Variants in FBXW11 observed in about 807,000 individuals in gnomAD.
The protein encoded by FBXW11 is F-box/WD repeat-containing protein 11.
A neutral mutation model predicts 77.6 loss-of-function variants in FBXW11; 19 were observed. That is an observed-to-expected ratio of 0.24 (90% confidence interval 0.17 to 0.36). FBXW11 has a LOEUF of 0.36. Ranked by LOEUF, FBXW11 falls within the 10% of genes least tolerant of loss-of-function variation. The probability of loss-of-function intolerance (pLI) is 1.00; values close to 1 mark genes in which losing one functional copy is unlikely to be tolerated. For missense variants in FBXW11, 334 were observed against 704.2 expected, an observed-to-expected ratio of 0.47 and a Z score of 5.95; for synonymous variants, 235 against 249.4, an observed-to-expected ratio of 0.94 and a Z score of 0.54.
rs183032273 is a variant in FBXW11 at position 171,986,150 on chromosome 5, A to G, written c.45+20308T>C. Among the ~76,000 whole-genome samples, 553 of 152,238 alleles carry G rather than the reference A, an allele frequency of 3.6e-3. 4 individuals carry two copies. The highest frequency in any genetic ancestry group is 0.013 in the African/African-American group (529 of 41,546). On this transcript the variant is annotated intron_variant, in intron 1 of 13. Transcript: ENST00000517395. ...TGGCCAGGAGCGGTGGCTCACATCT[A>G]TAATACCAGCACTTTGGGAGGCCAA...
rs779194148 is a variant in FBXW11, at chr5:171,863,921, C to T, written c.*206G>A. 6.6e-6 allele frequency: 1 copy of T among 152,154 alleles called. No homozygotes were observed. Among genetic ancestry groups the T allele is most frequent in the African/African-American group, 2.4e-5 (1 of 41,416 alleles). 9.4% of individuals were successfully genotyped at this position (152,154 alleles called of 1,614,324 possible). A position where few individuals can be genotyped will look rare whatever the true frequency, so the allele number is the denominator to read the frequency against. On this transcript the variant is annotated 3_prime_UTR_variant, in exon 14 of 14. Coordinates refer to ENST00000517395, the MANE Select transcript of FBXW11 (RefSeq NM_001378974.1). Reference sequence around the variant, plus strand: ...TCTGTTCTACTTGAAGCCGGGGAAGCTAAGGTCTCCTTCTCAAAGGAGAGC... The same window carrying T: ...TCTGTTCTACTTGAAGCCGGGGAAGTTAAGGTCTCCTTCTCAAAGGAGAGC...
In FBXW11 at chr5:171,930,934, T is replaced by TA. The variant is rs549006297; in HGVS notation, c.148-16530dup. ...AATTAAAAACATATTACCATTTACA[T>TA]AAACACCTATAGATATAATTAGGTA... On this transcript the variant is annotated intron_variant, in intron 2 of 13. Transcript: ENST00000517395. 2.5e-3 allele frequency among the ~76,000 whole-genome samples: 373 copies of TA among 152,106 alleles called. 1 individual carries two copies. Among genetic ancestry groups the TA allele is most frequent in the African/African-American group, 8.8e-3 (367 of 41,530 alleles).
intron 1 of FBXW11, among the ~76,000 whole-genome samples, chr5:171,975,923 A>G (rs1581059318): frequency 6.6e-6 from 1 of 152,202 alleles, no homozygotes; most frequent in East Asian, 1.9e-4. Flanking sequence ...AAAGTTTGGG[A>G]AATGTTGGGA....
At chr5:171,988,007 G>T (rs1041666897) in intron 1 of FBXW11, among the ~76,000 whole-genome samples, 3 of 152,144 alleles carry the variant, frequency 2.0e-5, no homozygotes, top group Non-Finnish European at 4.4e-5. Flanking sequence ...GTAACAATGT[G>T]TATCTCAATT....
intron 3 of FBXW11, among the ~76,000 whole-genome samples, chr5:171,912,770 C>G (rs1278084176): frequency 2.0e-5 from 3 of 151,920 alleles, no homozygotes; most frequent in Non-Finnish European, 2.9e-5. Context: ...ATTAGCCAGG[C>G]ATAGTGGTGG....
At chr5:171,959,867 G>A (rs1432286021) in intron 1 of FBXW11, among the ~76,000 whole-genome samples, 1 of 150,094 alleles carries the variant, frequency 6.7e-6, no homozygotes, top group Non-Finnish European at 1.5e-5. Flanking sequence ...AAAAAGAAAA[G>A]AAAAGAAAAG....
chr5:171,913,231 T>C (rs1760994556), intron 3 of FBXW11, among the ~76,000 whole-genome samples: 1 of 152,234 alleles, frequency 6.6e-6, no homozygotes, highest in Non-Finnish European at 1.5e-5. Context: ...ACAAAGTACT[T>C]TCACAGCCAT....
chr5:171,957,844 C>T (rs1467453333), intron 1 of FBXW11, 146 bp from the exon 2 acceptor site: 3 of 646,848 alleles, frequency 4.6e-6, no homozygotes, highest in Admixed American at 2.7e-5. Context: ...AGACAGCTCA[C>T]TGAAACCTTG....
chr5:171,945,439 C>G (rs528486117), intron 2 of FBXW11, among the ~76,000 whole-genome samples: 1 of 152,286 alleles, frequency 6.6e-6, no homozygotes, highest in East Asian at 1.9e-4. Flanking sequence ...GTAGATACCC[C>G]TGTTTAGGTC....
intron 1 of FBXW11, among the ~76,000 whole-genome samples, chr5:171,961,678 G>A (rs539931464): frequency 8.6e-5 from 13 of 151,760 alleles, no homozygotes; most frequent in Admixed American, 2.0e-4. Flanking sequence ...ATGGAGCCTC[G>A]CTCTGTCACC....
intron 6 of FBXW11, among the ~76,000 whole-genome samples, chr5:171,894,646 T>C (rs1045718382): frequency 6.6e-6 from 1 of 151,506 alleles, no homozygotes; most frequent in Non-Finnish European, 1.5e-5. Flanking sequence ...CCCCATGATG[T>C]CTGACAACCT....
chr5:171,867,070 C>T (rs1448376033), intron 13 of FBXW11, among the ~76,000 whole-genome samples: 2 of 152,182 alleles, frequency 1.3e-5, no homozygotes, highest in Non-Finnish European at 2.9e-5. Flanking sequence ...AGGCAACACA[C>T]CCACCAGTCA....
rs117515796 is a variant in FBXW11, at chr5:171,935,262, C to T, written c.148-20857G>A. 1.5e-3 allele frequency among the ~76,000 whole-genome samples: 227 copies of T among 152,198 alleles called. 6 individuals carry two copies. In the East Asian group the frequency reaches 0.036, roughly 24 times the overall value. On this transcript the variant is annotated intron_variant, in intron 2 of 13. Coordinates refer to ENST00000517395, the MANE Select transcript of FBXW11 (RefSeq NM_001378974.1). ...GTGAGCCACCGCGCCCAGCCGGTAGCGTGTTTCTTTTGGTGGTGATACAAA... is the reference window on the plus strand; with the variant it reads ...GTGAGCCACCGCGCCCAGCCGGTAGTGTGTTTCTTTTGGTGGTGATACAAA...
intron 1 of FBXW11, among the ~76,000 whole-genome samples, chr5:171,986,063 C>T (rs946548355): frequency 6.6e-6 from 1 of 152,200 alleles, no homozygotes; most frequent in South Asian, 2.1e-4. Flanking sequence ...CTACTGAGCT[C>T]CAATTTTCAA....
intron 2 of FBXW11, among the ~76,000 whole-genome samples, chr5:171,954,157 C>T (rs991219035): frequency 2.6e-5 from 4 of 152,188 alleles, no homozygotes; most frequent in Non-Finnish European, 5.9e-5. Context: ...GCTGTGTTGG[C>T]TTTAAATTTT....
chr5:171,908,494 T>C lies in FBXW11; in HGVS notation c.436+2078A>G, dbSNP rs112071381. Among the ~76,000 whole-genome samples, 76 of 152,284 alleles carry C rather than the reference T, an allele frequency of 5.0e-4. 1 individual carries two copies. Among genetic ancestry groups the C allele is most frequent in the African/African-American group, 1.7e-3 (71 of 41,562 alleles). ...CTCCTTGGCTTCCTAATCTACACAA[T>C]GAAAAACAGGACTAAGTGATGGCTA... On this transcript the variant is annotated intron_variant, in intron 4 of 13. Transcript: ENST00000517395.
intron 2 of FBXW11, among the ~76,000 whole-genome samples, chr5:171,927,040 T>A (rs751882185): frequency 6.6e-6 from 1 of 152,080 alleles, no homozygotes; most frequent in African/African-American, 2.4e-5. Context: ...CCATTCTAGA[T>A]AGACTGAAGA....
intron 2 of FBXW11, among the ~76,000 whole-genome samples, chr5:171,924,135 G>T (rs889447419): frequency 6.6e-6 from 1 of 151,628 alleles, no homozygotes; most frequent in African/African-American, 2.4e-5. Flanking sequence ...TGTTGGCCAG[G>T]CTGGTCTTGA....
intron 2 of FBXW11, among the ~76,000 whole-genome samples, chr5:171,930,762 T>TAAAAAAAAAAAAAAA (rs59700625): frequency 3.2e-5 from 4 of 126,518 alleles, no homozygotes; most frequent in Admixed American, 7.9e-5. Context: ...AATAAAAAAA[T>TAAAAAAAAAAAAAAA]AAAAAAAAAA....
Sources: gnomAD v4.1 joint callset for allele counts (sites outside exome capture counted in the v4.1 genomes callset) on GRCh38, gnomAD v4.1.1 for gene constraint, MANE v1.5 for transcripts, NCBI Gene and HGNC (gene_info 2026-07-23, HGNC 2026-07-21) for gene names.